The following GREM2 variants were observed in gnomAD, a reference collection of about 807,000 sequenced individuals.
GREM2 encodes the protein gremlin 2, DAN family BMP antagonist, also known as gremlin-2.
Under a neutral mutation model 14.2 loss-of-function variants are expected in GREM2, and 11 were observed. That is an observed-to-expected ratio of 0.78 (90% CI 0.49 to 1.28). The LOEUF (loss-of-function observed/expected upper bound fraction) is 1.28, where lower values mean the gene tolerates loss of function less well. Ranked by LOEUF, GREM2 falls within the 50% of genes most tolerant of loss-of-function variation. GREM2 has a pLI of 0.00. For missense variants in GREM2, 210 were observed against 218.5 expected (o/e 0.96, Z 0.24); for synonymous variants, 98 against 97.6 (o/e 1.00, Z -0.02).
intron 1 of GREM2, among the ~76,000 whole-genome samples, chr1:240,557,049 A>G (rs891150331): frequency 6.6e-6 from 1 of 151,962 alleles, no homozygotes; most frequent in African/African-American, 2.4e-5. Context: ...GTGCCCCTGT[A>G]GTCACAGCTA....
intron 1 of GREM2, among the ~76,000 whole-genome samples, chr1:240,505,586 G>A (rs1036257288): frequency 6.6e-6 from 1 of 151,694 alleles, no homozygotes; most frequent in Non-Finnish European, 1.5e-5. Flanking sequence ...GTGTTACTGG[G>A]TATATTTATG....
intron 1 of GREM2, among the ~76,000 whole-genome samples, chr1:240,611,678 A>T (rs1680138490): frequency 6.6e-6 from 1 of 152,206 alleles, no homozygotes; most frequent in African/African-American, 2.4e-5. Context: ...ACACCCACGC[A>T]TAATTCAATA....
rs553835405 is a variant in GREM2 at position 240,560,664 on chromosome 1, A to C, written c.-2+51220T>G. On this transcript the variant is annotated intron_variant, in intron 1 of 1. Coordinates refer to ENST00000318160, the MANE Select transcript of GREM2 (RefSeq NM_022469.4). ...TATTGAATCTGATCTTATTGGGTTT[A>C]CTATTTTCTTCTAACCCTCTTGCTT... Among the ~76,000 whole-genome samples the C allele has an allele frequency of 7.2e-5, 11 of 152,276 alleles. No homozygotes were observed. In the East Asian group the frequency reaches 1.7e-3, roughly 24 times the overall value.
intron 1 of GREM2, among the ~76,000 whole-genome samples, chr1:240,590,996 G>A (rs978344993): frequency 4.6e-5 from 7 of 150,786 alleles, no homozygotes; most frequent in Admixed American, 1.3e-4. Flanking sequence ...TGGCCAGGCT[G>A]GTCTCAAATG....
chr1:240,562,421 C>T (rs1679057757), intron 1 of GREM2, among the ~76,000 whole-genome samples: 2 of 152,168 alleles, frequency 1.3e-5, no homozygotes, highest in Admixed American at 1.3e-4. Context: ...CTAGCAGTCC[C>T]GCCTCTGAGC....
chr1:240,507,545 G>A (rs958519438), intron 1 of GREM2, among the ~76,000 whole-genome samples: 3 of 151,968 alleles, frequency 2.0e-5, no homozygotes, highest in African/African-American at 7.3e-5. Context: ...GTTGGCCAAG[G>A]TGGTCTCAAA....
intron 1 of GREM2, among the ~76,000 whole-genome samples, chr1:240,599,549 T>C (rs138944083): frequency 6.6e-6 from 1 of 152,288 alleles, no homozygotes; most frequent in Non-Finnish European, 1.5e-5. Context: ...GCTGCATTTG[T>C]TGGTTGAAAG....
intron 1 of GREM2, among the ~76,000 whole-genome samples, chr1:240,512,095 T>C (rs1365875650): frequency 6.6e-6 from 1 of 152,204 alleles, no homozygotes; most frequent in Non-Finnish European, 1.5e-5. Flanking sequence ...CAAATGGTTT[T>C]TAAGCATAAT....
intron 1 of GREM2, among the ~76,000 whole-genome samples, chr1:240,570,261 A>G (rs1031157506): frequency 1.3e-5 from 2 of 152,120 alleles, no homozygotes; most frequent in Non-Finnish European, 2.9e-5. Context: ...CAAGAGACCA[A>G]GACCATCCTG....
intron 1 of GREM2, among the ~76,000 whole-genome samples, chr1:240,494,697 C>A (rs911566380): frequency 6.6e-6 from 1 of 151,940 alleles, no homozygotes; most frequent in Admixed American, 6.6e-5. Context: ...GTCAGGAGAT[C>A]GAGACCATCC....
At chr1:240,520,331 T>A (rs1323051017) in intron 1 of GREM2, among the ~76,000 whole-genome samples, 1 of 151,980 alleles carries the variant, frequency 6.6e-6, no homozygotes, top group Non-Finnish European at 1.5e-5. Flanking sequence ...AACACAGGAT[T>A]CCAAGCAGCA....
chr1:240,544,884 T>C (rs1678682681), intron 1 of GREM2, among the ~76,000 whole-genome samples: 1 of 152,214 alleles, frequency 6.6e-6, no homozygotes, highest in African/African-American at 2.4e-5. Context: ...AAAAGTTATA[T>C]AGTTCTCAAA....
chr1:240,525,415 C>A (rs1383784856), intron 1 of GREM2, among the ~76,000 whole-genome samples: 1 of 152,126 alleles, frequency 6.6e-6, no homozygotes, highest in Non-Finnish European at 1.5e-5. Flanking sequence ...CTTGTGCAAC[C>A]TGTAATCCTC....
intron 1 of GREM2, among the ~76,000 whole-genome samples, chr1:240,514,660 A>G (rs964991095): frequency 2.0e-5 from 3 of 152,226 alleles, no homozygotes; most frequent in African/African-American, 7.2e-5. Flanking sequence ...GCACTTCAAG[A>G]CGCCAAGGCA....
At chr1:240,600,440 G>A (rs1206411125) in intron 1 of GREM2, among the ~76,000 whole-genome samples, 1 of 151,998 alleles carries the variant, frequency 6.6e-6, no homozygotes, top group Non-Finnish European at 1.5e-5. Flanking sequence ...GTCTTTACCA[G>A]TTCTATCCGG....
chr1:240,608,762 A>G (rs1244530447), intron 1 of GREM2, among the ~76,000 whole-genome samples: 1 of 152,196 alleles, frequency 6.6e-6, no homozygotes, highest in Non-Finnish European at 1.5e-5. Flanking sequence ...AATAGAAACA[A>G]ACCCTTCTGG....
chr1:240,526,945 C>A (rs911502939), intron 1 of GREM2, among the ~76,000 whole-genome samples: 3 of 152,116 alleles, frequency 2.0e-5, no homozygotes, highest in African/African-American at 7.2e-5. Context: ...ATCTTGTTAC[C>A]TTTTAACCCT....
At chr1:240,503,845 T>C (rs1209129753) in intron 1 of GREM2, among the ~76,000 whole-genome samples, 2 of 152,174 alleles carry the variant, frequency 1.3e-5, no homozygotes, top group Non-Finnish European at 2.9e-5. Context: ...GGTGTAGCTA[T>C]TGTCTGCACA....
intron 1 of GREM2, among the ~76,000 whole-genome samples, chr1:240,518,230 C>T (rs1054354201): frequency 5.9e-5 from 9 of 152,194 alleles, no homozygotes; most frequent in African/African-American, 1.9e-4. Flanking sequence ...TTGTTTTTCA[C>T]TTTCCTAAAA....
Sources: allele counts gnomAD v4.1 joint callset (sites outside exome capture counted in the v4.1 genomes callset), GRCh38; gene constraint gnomAD v4.1.1; transcripts MANE v1.5; gene names NCBI Gene and HGNC (gene_info 2026-07-23, HGNC 2026-07-21).